The following CFAP36 variants were observed in gnomAD, a reference collection of about 807,000 sequenced individuals.
CFAP36 encodes cilia- and flagella-associated protein 36.
Under a neutral mutation model 50.5 loss-of-function variants are expected in CFAP36, and 37 were observed. That is an observed-to-expected ratio of 0.73 (90% confidence interval 0.56 to 0.96). CFAP36 has a LOEUF of 0.96. Among genes scored for constraint, CFAP36 ranks in the 50% least tolerant of loss-of-function variants. CFAP36 has a pLI of 0.00. For synonymous variants in CFAP36, 138 were observed against 128.2 expected (o/e 1.08, Z -0.52); for missense variants, 407 against 396.2 (o/e 1.03, Z -0.23).
Position 55,528,869 on chromosome 2 carries a change from T to C in CFAP36, c.283-9T>C, listed in dbSNP as rs1684278852. The C allele has an allele frequency of 6.4e-7, 1 of 1,566,758 alleles. No homozygotes were observed. On this transcript the variant is annotated splice_polypyrimidine_tract_variant and intron_variant, in intron 3 of 9. Transcript: ENST00000349456. ...GAATCTTCATTTCACTTGAGACTTC[T>C]TTCCACAGGCCATTTTGCAACCTGT...
At chr2:55,527,827 G>T (rs1328999139) in intron 3 of CFAP36, among the ~76,000 whole-genome samples, 1 of 151,622 alleles carries the variant, frequency 6.6e-6, no homozygotes, top group African/African-American at 2.4e-5. Flanking sequence ...AATAACAAAA[G>T]ATAATTGGAA....
chr2:55,535,709 C>A lies in CFAP36; in HGVS notation c.486-3C>A. 6.6e-7 allele frequency: 1 copy of A among 1,526,172 alleles called. No individual in the cohort carries two copies. Among genetic ancestry groups the A allele is most frequent in the Non-Finnish European group, 8.7e-7 (1 of 1,146,944 alleles). The allele number at this position is 1,526,172 out of a possible 1,614,324, so 94.5% of individuals were successfully genotyped here. ...CTTTTTATCTTATTTTTGTATATTT[C>A]AGAAAATCAAAAGAGGAATATGACC... On this transcript the variant is annotated splice_polypyrimidine_tract_variant and splice_region_variant and intron_variant, in intron 5 of 9. Transcript: ENST00000349456.
chr2:55,519,879 C>A lies in CFAP36; in HGVS notation c.78C>A (p.Ser26=), dbSNP rs1574608573. 5 of 1,614,222 alleles carry A rather than the reference C, an allele frequency of 3.1e-6. No individual in the cohort carries two copies. The highest frequency in any genetic ancestry group is 4.2e-6 in the Non-Finnish European group (5 of 1,180,042). ...IAGFLRGPDW[S]IPILDFVEQK... ...GGTTCCTGCGAGGCCCAGACTGGTCCATCCCCATCTTGGACTTTGTGGAAC... is the reference window on the plus strand; with the variant it reads ...GGTTCCTGCGAGGCCCAGACTGGTCAATCCCCATCTTGGACTTTGTGGAAC... The change falls in exon 1 of 10, where the codon TCC becomes TCA. Residue 26 remains serine (S), a synonymous_variant. Transcript: ENST00000349456.
intron 4 of CFAP36, among the ~76,000 whole-genome samples, 163 bp from the exon 5 acceptor site, chr2:55,533,709 AT>A (rs200153314): frequency 0.048 from 5,213 of 108,688 alleles, 85 homozygotes; most frequent in South Asian, 0.09. Context: ...AAAAAAAAAA[AT>A]ATATATATAT....
chr2:55,540,865 TAGCC>T (rs1684620518), intron 7 of CFAP36, among the ~76,000 whole-genome samples: 2 of 151,434 alleles, frequency 1.3e-5, no homozygotes, highest in African/African-American at 4.9e-5. Context: ...ATACAAAAAT[TAGCC>T]AGGCATGGTG....
At chr2:55,544,790 C>G (rs542424520) in intron 9 of CFAP36, 117 bp from the exon 10 acceptor site, 2 of 644,880 alleles carry the variant, frequency 3.1e-6, no homozygotes, top group East Asian at 2.8e-5. Flanking sequence ...ATGTCTGTCT[C>G]TCCCTCCGTC....
intron 2 of CFAP36, among the ~76,000 whole-genome samples, chr2:55,523,166 T>C (rs1394863206): frequency 6.7e-6 from 1 of 150,240 alleles, no homozygotes; most frequent in African/African-American, 2.5e-5. Flanking sequence ...ATCCCAGCAC[T>C]TTGGGAGGCC....
chr2:55,522,307 T>G (rs1684090241), intron 2 of CFAP36, 141 bp downstream of exon 2: 1 of 535,256 alleles, frequency 1.9e-6, no homozygotes, highest in South Asian at 2.8e-5. Flanking sequence ...GTGCCAGTTA[T>G]ATCTGTCTCC....
intron 2 of CFAP36, 53 bp downstream of exon 2, chr2:55,522,219 T>A (rs532643305): frequency 4.9e-5 from 43 of 880,824 alleles, no homozygotes; most frequent in Non-Finnish European, 7.2e-5. Context: ...ATACTACTTA[T>A]AGCTTTTCTA....
intron 5 of CFAP36, among the ~76,000 whole-genome samples, chr2:55,534,771 CT>C (rs1684439036): frequency 1.3e-5 from 2 of 152,196 alleles, no homozygotes; most frequent in Non-Finnish European, 2.9e-5. Flanking sequence ...TTCTAGCATC[CT>C]ACAGTTCCCC....
At chr2:55,520,966 G>A (rs910508629) in intron 1 of CFAP36, among the ~76,000 whole-genome samples, 7 of 152,218 alleles carry the variant, frequency 4.6e-5, no homozygotes. Context: ...AATAGGGTTA[G>A]AGGGATTCAG....
Position 55,535,760 on chromosome 2 carries a change from A to G in CFAP36, c.534A>G (p.Lys178=). 6.4e-7 allele frequency: 1 copy of G among 1,556,478 alleles called. No homozygotes were observed. The highest frequency in any genetic ancestry group is 8.6e-7 in the Non-Finnish European group (1 of 1,160,428). ...AGGAAGAAGAAAGGAAGAGGAAAAA[A>G]CAGGTGCCTACAGAACATATAACAG... ...YDQEEERKRK[K]QLSEAKTEEP... The change falls in exon 6 of 10, where the codon AAA becomes AAG. Residue 178 remains lysine (K), a synonymous_variant. Transcript: ENST00000349456.
chr2:55,545,048 C>A lies in CFAP36; in HGVS notation c.*40C>A. 8.1e-7 allele frequency: 1 copy of A among 1,230,266 alleles called. No homozygotes were observed. Among genetic ancestry groups the A allele is most frequent in the Non-Finnish European group, 1.1e-6 (1 of 874,412 alleles). 76.2% of individuals were successfully genotyped at this position (1,230,266 alleles called of 1,614,324 possible). A position where few individuals can be genotyped will look rare whatever the true frequency, so the allele number is the denominator to read the frequency against. Reference sequence around the variant, plus strand: ...TTAACAAAATGGAAGTTCAAATTGTCTTAAAAATAAATTATTTAGTCCTTA... The same window carrying A: ...TTAACAAAATGGAAGTTCAAATTGTATTAAAAATAAATTATTTAGTCCTTA... On this transcript the variant is annotated 3_prime_UTR_variant, in exon 10 of 10. Transcript: ENST00000349456.
intron 3 of CFAP36, among the ~76,000 whole-genome samples, chr2:55,525,568 C>A (rs1397159879): frequency 2.0e-5 from 3 of 152,094 alleles, no homozygotes; most frequent in African/African-American, 7.2e-5. Context: ...TATTTTTAGC[C>A]ATGATCCCTT....
intron 6 of CFAP36, among the ~76,000 whole-genome samples, chr2:55,536,730 C>T (rs1265792328): frequency 6.6e-6 from 1 of 151,474 alleles, no homozygotes; most frequent in Non-Finnish European, 1.5e-5. Flanking sequence ...ACTTTTTATA[C>T]TTCTTAATAT....
chr2:55,529,717 G>A (rs1452846891), intron 4 of CFAP36, among the ~76,000 whole-genome samples: 1 of 150,432 alleles, frequency 6.6e-6, no homozygotes, highest in African/African-American at 2.4e-5. Flanking sequence ...CATGATCTCG[G>A]CTTACTGCAT....
intron 2 of CFAP36, 152 bp downstream of exon 2, chr2:55,522,318 A>G (rs1352851777): frequency 3.8e-6 from 2 of 526,858 alleles, no homozygotes; most frequent in Non-Finnish European, 6.9e-6. Flanking sequence ...ATCTGTCTCC[A>G]CAGGTGCTCT....
Position 55,544,276 on chromosome 2 carries a change from GAAGA to G in CFAP36, c.835_838del (p.Lys279GlufsTer4). 1 of 1,613,922 alleles carries G rather than the reference GAAGA, an allele frequency of 6.2e-7. No individual in the cohort carries two copies. Among genetic ancestry groups the G allele is most frequent in the African/African-American group, 1.3e-5 (1 of 75,010 alleles). ...GGCAACGAGAACACTATCTCAAGCA[GAAGA>G]GAGATAAGTTGATGTCCATGAGAAA... On this transcript the variant is annotated frameshift_variant, in exon 9 of 10. Coordinates refer to ENST00000349456, the MANE Select transcript of CFAP36 (RefSeq NM_080667.7). LOFTEE classifies it high-confidence loss of function.
intron 4 of CFAP36, among the ~76,000 whole-genome samples, chr2:55,530,204 G>T (rs941161253): frequency 2.0e-5 from 3 of 152,082 alleles, no homozygotes; most frequent in Non-Finnish European, 4.4e-5. Flanking sequence ...TGGGAAAGGG[G>T]AGTCTTCCTG....
Sources: allele counts gnomAD v4.1 joint callset (sites outside exome capture counted in the v4.1 genomes callset), GRCh38; gene constraint gnomAD v4.1.1; transcripts MANE v1.5; gene names NCBI Gene and HGNC (gene_info 2026-07-23, HGNC 2026-07-21).